The following ZDHHC18 variants were observed in gnomAD, a reference collection of about 807,000 sequenced individuals.
ZDHHC18 encodes the protein palmitoyltransferase ZDHHC18.
In ZDHHC18, 23 loss-of-function variants were observed where a neutral mutation model predicts 37.5. That is an observed-to-expected ratio of 0.61 (90% confidence interval 0.44 to 0.87). The LOEUF is 0.87. Ranked by LOEUF, ZDHHC18 falls within the 40% of genes least tolerant of loss-of-function variation. The pLI is 0.00. For synonymous variants in ZDHHC18, 185 were observed against 218.7 expected (o/e 0.85, Z 1.36); for missense variants, 406 against 525.6 (o/e 0.77, Z 2.22).
chr1:26,839,400 A>G (rs1557642287), intron 2 of ZDHHC18, among the ~76,000 whole-genome samples: 1 of 152,206 alleles, frequency 6.6e-6, no homozygotes, highest in Non-Finnish European at 1.5e-5. Flanking sequence ...CATCCACAGT[A>G]TGTCAGGCAG....
chr1:26,828,002 A>G (rs960277496), intron 1 of ZDHHC18, among the ~76,000 whole-genome samples: 1 of 152,148 alleles, frequency 6.6e-6, no homozygotes, highest in Non-Finnish European at 1.5e-5. Context: ...TTTTCAGGAA[A>G]GACTTCGGAG....
At position 26,854,348 on chromosome 1, in the gene ZDHHC18, A is replaced by AT. The variant is rs1029191701; in HGVS notation, c.*510dup. The AT allele has an allele frequency of 6.6e-6, 1 of 152,408 alleles. No homozygotes were observed. The highest frequency in any genetic ancestry group is 1.5e-5 in the Non-Finnish European group (1 of 68,340). 9.4% of individuals were successfully genotyped at this position (152,408 alleles called of 1,614,324 possible). On this transcript the variant is annotated 3_prime_UTR_variant, in exon 8 of 8. Coordinates refer to ENST00000374142, the MANE Select transcript of ZDHHC18 (RefSeq NM_032283.3). This position sits in a 1 kb window ranked among gnomAD's most constrained non-coding sequence, Gnocchi z 4.6. ...TGATAATTTCCCTTTATTCTGTGGG[A>AT]TTTTTGGTGGGGTTTTCCCCCCTTT...
At chr1:26,836,446 C>A (rs570212010) in intron 2 of ZDHHC18, among the ~76,000 whole-genome samples, 3 of 152,186 alleles carry the variant, frequency 2.0e-5, no homozygotes, top group South Asian at 2.1e-4. Flanking sequence ...CCTGTCCCCC[C>A]ACAAACCCCA....
chr1:26,833,277 G>A (rs1265422859), intron 2 of ZDHHC18, among the ~76,000 whole-genome samples: 1 of 152,214 alleles, frequency 6.6e-6, no homozygotes, highest in Non-Finnish European at 1.5e-5. Flanking sequence ...CAGGGAGGGT[G>A]TGTGATTTTA....
intron 2 of ZDHHC18, among the ~76,000 whole-genome samples, chr1:26,835,706 CAAAA>C (rs543310105): frequency 6.6e-6 from 1 of 151,282 alleles, no homozygotes; most frequent in African/African-American, 2.4e-5. Flanking sequence ...TCTCAAAAAA[CAAAA>C]AAAACCAAAA....
chr1:26,850,435 T>A lies in ZDHHC18; in HGVS notation c.781T>A (p.Leu261Met), dbSNP rs1162722925. 1 of 1,613,782 alleles carries A rather than the reference T, an allele frequency of 6.2e-7. No homozygotes were observed. The highest frequency in any genetic ancestry group is 8.5e-7 in the Non-Finnish European group (1 of 1,180,024). ...CGCCTGTGTGGTCACCCACCTGACG[T>A]TGCGTGAGTTGTGGGTGAGGGCAGT... ...IFACVVTHLT[L>M]RAQGSNFLST... The change falls in exon 4 of 8, where the codon TTG (leucine) becomes ATG (methionine). Residue 261 changes from leucine to methionine, a missense_variant. Physicochemically the swap from Leu to Met is conservative, Grantham distance 15. Transcript: ENST00000374142. This position sits in a 1 kb window ranked among gnomAD's most constrained non-coding sequence, Gnocchi z 6.1.
In ZDHHC18 at chr1:26,827,123, C is replaced by G; in HGVS notation, c.319C>G (p.Leu107Val). 1 of 1,414,064 alleles carries G rather than the reference C, an allele frequency of 7.1e-7. No individual in the cohort carries two copies. Among genetic ancestry groups the G allele is most frequent in the African/African-American group, 1.5e-5 (1 of 67,052 alleles). The allele number at this position is 1,414,064 out of a possible 1,614,324, so 87.6% of individuals were successfully genotyped here. Residue 107 changes from leucine (L) to valine (V), a missense_variant, in exon 1 of 8, where the codon CTC becomes GTC. Leu to Val is a conservative substitution (Grantham distance 32). Coordinates refer to ENST00000374142, the MANE Select transcript of ZDHHC18 (RefSeq NM_032283.3). ...GCTGCTCATCCTCACCACCACCGGCCTCTTCTTCGTCTTTGAGTGAGTTCC... is the reference window on the plus strand; with the variant it reads ...GCTGCTCATCCTCACCACCACCGGCGTCTTCTTCGTCTTTGAGTGAGTTCC... ...TLLLILTTTG[L>V]FFVFDCPYLA... is the part of the protein sequence containing the mutation.
At chr1:26,848,802 G>A in intron 3 of ZDHHC18, 45 bp downstream of exon 3, 1 of 1,591,480 alleles carries the variant, frequency 6.3e-7, no homozygotes, top group Non-Finnish European at 8.6e-7. Context: ...TCCTGAGAGA[G>A]ACTGAGTCGT....
chr1:26,849,045 C>G (rs2081688211), intron 3 of ZDHHC18, among the ~76,000 whole-genome samples: 2 of 152,176 alleles, frequency 1.3e-5, no homozygotes, highest in African/African-American at 4.8e-5. Context: ...AGGCTTCAGC[C>G]CGGTCCTCAA....
chr1:26,829,727 G>T (rs889609498), intron 1 of ZDHHC18, among the ~76,000 whole-genome samples: 2 of 152,334 alleles, frequency 1.3e-5, no homozygotes, highest in African/African-American at 2.4e-5. Flanking sequence ...TTGAATGAAT[G>T]AATTGACAGT....
chr1:26,826,866 G>C lies in ZDHHC18; in HGVS notation c.62G>C (p.Gly21Ala). 3.1e-6 allele frequency: 3 copies of C among 979,688 alleles called. No homozygotes were observed. The highest frequency in any genetic ancestry group is 3.6e-6 in the Non-Finnish European group (3 of 827,632). 60.7% of individuals were successfully genotyped at this position (979,688 alleles called of 1,614,324 possible). The change falls in exon 1 of 8, where the codon GGG (glycine) becomes GCG (alanine). Residue 21 changes from glycine (G) to alanine (A), a missense_variant. By Grantham distance (60) the Gly-to-Ala change is moderately conservative. Transcript: ENST00000374142. This position sits in a 1 kb window ranked among gnomAD's most constrained non-coding sequence, Gnocchi z 5.2. Reference sequence around the variant, plus strand: ...GCCGCCCCGCTGCCCGCCTCCCCGGGGGCGCGCCGTCCCGGCCCCGCCGCG... The same window carrying C: ...GCCGCCCCGCTGCCCGCCTCCCCGGCGGCGCGCCGTCCCGGCCCCGCCGCG... Reference protein sequence around the residue: ...PGAAPLPASPGARRPGPAASP... With the variant: ...PGAAPLPASPAARRPGPAASP...
chr1:26,827,230 C>A lies in ZDHHC18; in HGVS notation c.335+91C>A, dbSNP rs552872454. 52 of 1,103,716 alleles carry A rather than the reference C, an allele frequency of 4.7e-5. No homozygotes were observed. The South Asian group carries it at 1.2e-3, about 26-fold the overall frequency. 68.4% of individuals were successfully genotyped at this position (1,103,716 alleles called of 1,614,324 possible). ...GCTGGGCACTCCGTGCCTTCCCCTTCGCCTCCCTGGTCCTCATCCTCCCCG... is the reference window on the plus strand; with the variant it reads ...GCTGGGCACTCCGTGCCTTCCCCTTAGCCTCCCTGGTCCTCATCCTCCCCG... On this transcript the variant is annotated intron_variant, in intron 1 of 7. Transcript: ENST00000374142.
Position 26,850,179 on chromosome 1 carries a change from A to T in ZDHHC18, c.647-122A>T. On this transcript the variant is annotated intron_variant, in intron 3 of 7. Coordinates refer to ENST00000374142, the MANE Select transcript of ZDHHC18 (RefSeq NM_032283.3). The surrounding 1 kb of genome is among the most constrained non-coding windows in gnomAD (Gnocchi z 6.1). ...GAGGCAGGTGTGTCCAAGGCCTGGGAGCCAGCTGGTGCTGCGAGAGTGAAC... is the reference window on the plus strand; with the variant it reads ...GAGGCAGGTGTGTCCAAGGCCTGGGTGCCAGCTGGTGCTGCGAGAGTGAAC... The T allele has an allele frequency of 7.8e-7, 1 of 1,282,750 alleles. No homozygotes were observed. The highest frequency in any genetic ancestry group is 1.1e-6 in the Non-Finnish European group (1 of 928,158). 79.5% of individuals were successfully genotyped at this position (1,282,750 alleles called of 1,614,324 possible). A position where few individuals can be genotyped will look rare whatever the true frequency, so the allele number is the denominator to read the frequency against.
intron 2 of ZDHHC18, among the ~76,000 whole-genome samples, chr1:26,846,241 G>A (rs11581724): frequency 5.1e-5 from 1 of 19,556 alleles, no homozygotes; most frequent in South Asian, 2.0e-3. Context: ...TAGAGAGAGA[G>A]ATATATAGAT....
intron 2 of ZDHHC18, among the ~76,000 whole-genome samples, chr1:26,840,588 T>C (rs1039094488): frequency 6.6e-6 from 1 of 150,930 alleles, no homozygotes; most frequent in Non-Finnish European, 1.5e-5. Flanking sequence ...ATTACAGGCA[T>C]GCGCCACCAT....
chr1:26,836,436 C>T (rs1188544341), intron 2 of ZDHHC18, among the ~76,000 whole-genome samples: 1 of 152,154 alleles, frequency 6.6e-6, no homozygotes, highest in Non-Finnish European at 1.5e-5. Context: ...CCACCCCTGC[C>T]CTGTCCCCCC....
In ZDHHC18 at chr1:26,854,993, C is replaced by T. The variant is rs985987355; in HGVS notation, c.*1150C>T. Reference sequence around the variant, plus strand: ...GCACGTGCACTGGTCACGAGAAAACCCTGGGCTCCCACTGGGGCTCAGCCC... The same window carrying T: ...GCACGTGCACTGGTCACGAGAAAACTCTGGGCTCCCACTGGGGCTCAGCCC... On this transcript the variant is annotated 3_prime_UTR_variant, in exon 8 of 8. Coordinates refer to ENST00000374142, the MANE Select transcript of ZDHHC18 (RefSeq NM_032283.3). The surrounding 1 kb of genome is among the most constrained non-coding windows in gnomAD (Gnocchi z 4.6). 6.6e-6 allele frequency: 1 copy of T among 152,288 alleles called. No individual in the cohort carries two copies. Among genetic ancestry groups the T allele is most frequent in the Admixed American group, 6.5e-5 (1 of 15,292 alleles). 9.4% of individuals were successfully genotyped at this position (152,288 alleles called of 1,614,324 possible).
At chr1:26,846,415 C>T (rs2081666680) in intron 2 of ZDHHC18, among the ~76,000 whole-genome samples, 1 of 144,124 alleles carries the variant, frequency 6.9e-6, no homozygotes, top group Admixed American at 7.1e-5. Context: ...CAAGCTCTGC[C>T]TCCCGGGTTG....
At chr1:26,829,578 G>C (rs568441628) in intron 1 of ZDHHC18, among the ~76,000 whole-genome samples, 2 of 152,132 alleles carry the variant, frequency 1.3e-5, no homozygotes, top group Non-Finnish European at 2.9e-5. Flanking sequence ...ATCGCTCTCT[G>C]AAGCATTTGC....
Sources: allele counts gnomAD v4.1 joint callset (sites outside exome capture counted in the v4.1 genomes callset), GRCh38; gene constraint gnomAD v4.1.1; non-coding constraint Gnocchi (gnomAD v3.1); transcripts MANE v1.5; gene names NCBI Gene and HGNC (gene_info 2026-07-23, HGNC 2026-07-21).